Variants in TMEM184B observed in about 807,000 individuals in gnomAD.
The protein encoded by TMEM184B is putative MAPK-activating protein FM08.
Under a neutral mutation model 41.8 loss-of-function variants are expected in TMEM184B, and 17 were observed. That is an observed-to-expected ratio of 0.41 (90% CI 0.28 to 0.61). TMEM184B has a LOEUF of 0.61. Ranked by LOEUF, TMEM184B falls within the 20% of genes least tolerant of loss-of-function variation. TMEM184B has a pLI of 0.34. For synonymous variants in TMEM184B, 240 were observed against 229.5 expected (o/e 1.05, Z -0.41); for missense variants, 393 against 557.8 (o/e 0.70, Z 2.98).
chr22:38,231,216 T>C (rs2091609300), intron 4 of TMEM184B, 28 bp downstream of exon 4: 1 of 1,601,484 alleles, frequency 6.2e-7, no homozygotes, highest in African/African-American at 1.3e-5. Context: ...CGGGGTGGTT[T>C]AGGGCTCTGG....
chr22:38,219,355 C>G lies in TMEM184B; in HGVS notation c.*2114G>C, dbSNP rs2091196820. 1 of 985,714 alleles carries G rather than the reference C, an allele frequency of 1.0e-6. No individual in the cohort carries two copies. Among genetic ancestry groups the G allele is most frequent in the South Asian group, 4.7e-5 (1 of 21,286 alleles). The allele number at this position is 985,714 out of a possible 1,614,324, so 61.1% of individuals were successfully genotyped here. On this transcript the variant is annotated 3_prime_UTR_variant, in exon 9 of 9. Coordinates refer to ENST00000361906, the MANE Select transcript of TMEM184B (RefSeq NM_012264.5). ...TCTTCCTCACTTTATTTGCTCACTT[C>G]TGTCACGCATTTAAAATGTCACAGA...
intron 1 of TMEM184B, among the ~76,000 whole-genome samples, chr22:38,258,879 G>A (rs1047663690): frequency 1.8e-4 from 27 of 152,152 alleles, no homozygotes; most frequent in African/African-American, 3.6e-4. Flanking sequence ...GGCCTGGACC[G>A]TCTTCCAGAA....
intron 1 of TMEM184B, among the ~76,000 whole-genome samples, chr22:38,255,584 T>C (rs1602472177): frequency 6.6e-6 from 1 of 152,210 alleles, no homozygotes. Flanking sequence ...TGTACACAAA[T>C]GTTCACGGCA....
downstream of TMEM184B, among the ~76,000 whole-genome samples, chr22:38,217,631 G>A (rs1474665323): frequency 6.6e-6 from 1 of 150,986 alleles, no homozygotes; most frequent in African/African-American, 2.4e-5. Flanking sequence ...GACAGAGTGA[G>A]ACTCCGTCTC....
chr22:38,269,838 GACA>G (rs998349883), intron 1 of TMEM184B, among the ~76,000 whole-genome samples: 1 of 152,176 alleles, frequency 6.6e-6, no homozygotes, highest in Non-Finnish European at 1.5e-5. Flanking sequence ...GCTGCTAGAA[GACA>G]ACAAGAGAAA....
intron 8 of TMEM184B, chr22:38,222,470 A>T: frequency 5.6e-6 from 2 of 359,440 alleles, no homozygotes; most frequent in Non-Finnish European, 7.8e-6. Context: ...GGACGGAAGC[A>T]GGCAAGCTCT....
At chr22:38,266,545 G>T (rs1429059425) in intron 1 of TMEM184B, among the ~76,000 whole-genome samples, 1 of 152,252 alleles carries the variant, frequency 6.6e-6, no homozygotes, top group Non-Finnish European at 1.5e-5. Flanking sequence ...CATCTTTCCT[G>T]CAGAGAATTT....
At chr22:38,234,011 C>T (rs1311625704) in intron 3 of TMEM184B, among the ~76,000 whole-genome samples, 4 of 121,850 alleles carry the variant, frequency 3.3e-5, no homozygotes, top group South Asian at 6.1e-4. Flanking sequence ...TCAGGTGATC[C>T]GCCCACCTCG....
chr22:38,246,730 T>C lies in TMEM184B; in HGVS notation c.193-630A>G. 2 of 1,106,756 alleles carry C rather than the reference T, an allele frequency of 1.8e-6. 1 individual carries two copies. The allele number at this position is 1,106,756 out of a possible 1,614,324, so 68.6% of individuals were successfully genotyped here. A position where few individuals can be genotyped will look rare whatever the true frequency, so the allele number is the denominator to read the frequency against. On this transcript the variant is annotated intron_variant, in intron 2 of 8. Transcript: ENST00000361906. ...TTAGGCAGCTACCTCACCAGGAAGTTAGGAGAATGAATGCTACTTTTAGGA... is the reference window on the plus strand; with the variant it reads ...TTAGGCAGCTACCTCACCAGGAAGTCAGGAGAATGAATGCTACTTTTAGGA...
Position 38,230,697 on chromosome 22 carries a change from G to A in TMEM184B, c.497C>T (p.Ser166Phe). Residue 166 changes from serine (S) to phenylalanine (F), a missense_variant, in exon 5 of 9, where the codon TCC becomes TTC. This residue lies in a region of TMEM184B where 271 missense variants were observed against 434.1 expected (regional missense o/e 0.62). Coordinates refer to ENST00000361906, the MANE Select transcript of TMEM184B (RefSeq NM_012264.5). ...GTCCLWGKTY[S>F]IGFLRFCKQA... is the part of the protein sequence containing the mutation. The stretch of plus-strand genomic sequence containing the variant: ...TTTGCAGAACCTCAGAAATCCGATG[G>A]AATAAGTCTTTCCCCAGAGGCAGCA... 1 of 1,612,414 alleles carries A rather than the reference G, an allele frequency of 6.2e-7. No individual in the cohort carries two copies. Among genetic ancestry groups the A allele is most frequent in the East Asian group, 2.2e-5 (1 of 44,862 alleles).
At chr22:38,246,601 C>T (rs973173982) in intron 2 of TMEM184B, 40 of 304,572 alleles carry the variant, frequency 1.3e-4, no homozygotes, top group Non-Finnish European at 2.4e-4. Flanking sequence ...CACGCTATGG[C>T]GGGTGGACAC....
chr22:38,219,674 C>T lies in TMEM184B; in HGVS notation c.*1795G>A. 5 of 985,542 alleles carry T rather than the reference C, an allele frequency of 5.1e-6. No homozygotes were observed. The highest frequency in any genetic ancestry group is 4.8e-6 in the Non-Finnish European group (4 of 829,952). The allele number at this position is 985,542 out of a possible 1,614,324, so 61.0% of individuals were successfully genotyped here. A position where few individuals can be genotyped will look rare whatever the true frequency, so the allele number is the denominator to read the frequency against. The stretch of plus-strand genomic sequence containing the variant: ...CCCACCCTCCACGCAAACAGCAACG[C>T]TGGGCAGGCGAAAACCAAGGGAGTG... On this transcript the variant is annotated 3_prime_UTR_variant, in exon 9 of 9. Transcript: ENST00000361906.
At chr22:38,235,335 C>T (rs747337338) in intron 3 of TMEM184B, among the ~76,000 whole-genome samples, 2 of 152,204 alleles carry the variant, frequency 1.3e-5, no homozygotes, top group South Asian at 2.1e-4. Context: ...AGCTCCCTCC[C>T]GGGAGAGCCC....
At chr22:38,249,581 C>T (rs2092117860) in intron 1 of TMEM184B, among the ~76,000 whole-genome samples, 2 of 152,312 alleles carry the variant, frequency 1.3e-5, no homozygotes, top group South Asian at 4.1e-4. Flanking sequence ...CTGCCATGCC[C>T]CTTCTACCAC....
intron 1 of TMEM184B, among the ~76,000 whole-genome samples, chr22:38,268,500 C>CT (rs768964946): frequency 1.3e-5 from 2 of 151,990 alleles, no homozygotes; most frequent in African/African-American, 2.4e-5. Context: ...AAATCTACAA[C>CT]TTGGGTGACC....
At position 38,225,565 on chromosome 22, in the gene TMEM184B, T is replaced by C. The variant is rs779728327; in HGVS notation, c.646A>G (p.Ile216Val). The stretch of plus-strand genomic sequence containing the variant: ...AGGCTGACGGAGATGTTGTAGATGA[T>C]GGTCACGTAGAGGTAGCCACTGGTG... The part of the protein sequence containing the change: ...DVTSGYLYVT[I>V]IYNISVSLAL... Residue 216 changes from isoleucine (I) to valine (V), a missense_variant, in exon 7 of 9, where the codon ATC becomes GTC. This residue lies in a region of TMEM184B where 271 missense variants were observed against 434.1 expected (regional missense o/e 0.62). Transcript: ENST00000361906. This position sits in a 1 kb window ranked among gnomAD's most constrained non-coding sequence, Gnocchi z 4.4. 1.2e-6 allele frequency: 2 copies of C among 1,606,746 alleles called. No homozygotes were observed. Among genetic ancestry groups the C allele is most frequent in the South Asian group, 1.1e-5 (1 of 90,338 alleles).
intron 3 of TMEM184B, among the ~76,000 whole-genome samples, chr22:38,238,228 T>C (rs1029665388): frequency 3.7e-5 from 5 of 136,872 alleles, no homozygotes; most frequent in African/African-American, 5.7e-5. Context: ...TATCAACTTC[T>C]TTTTTTTTTT....
intron 8 of TMEM184B, chr22:38,224,115 T>C (rs189674972): frequency 1.3e-5 from 2 of 149,184 alleles, no homozygotes; most frequent in African/African-American, 4.8e-5. Flanking sequence ...ATTCTTTTTT[T>C]TCTTTCTTTC....
intron 1 of TMEM184B, among the ~76,000 whole-genome samples, chr22:38,262,318 T>C (rs762418981): frequency 5.3e-5 from 8 of 152,192 alleles, no homozygotes; most frequent in Non-Finnish European, 1.0e-4. Flanking sequence ...TGGCTTGATC[T>C]GGGCAGTTTA....
Sources: allele counts gnomAD v4.1 joint callset (sites outside exome capture counted in the v4.1 genomes callset), GRCh38; gene constraint gnomAD v4.1.1; regional missense constraint gnomAD v4.1.1; non-coding constraint Gnocchi (gnomAD v3.1); transcripts MANE v1.5; gene names NCBI Gene and HGNC (gene_info 2026-07-23, HGNC 2026-07-21).